Variants in ARPC3 observed in about 807,000 individuals in gnomAD.
The protein encoded by ARPC3 is actin-related protein 2/3 complex subunit 3.
Under a neutral mutation model 27.6 loss-of-function variants are expected in ARPC3, and 12 were observed. The ratio of observed to expected loss-of-function variants is 0.43; its 90% CI spans 0.28 to 0.70. ARPC3 has a LOEUF of 0.70. Ranked by LOEUF, ARPC3 falls within the 30% of genes least tolerant of loss-of-function variation. ARPC3 has a pLI of 0.17. For synonymous variants in ARPC3, 53 were observed against 67.2 expected (o/e 0.79, Z 1.03); for missense variants, 153 against 207.7 (o/e 0.74, Z 1.62).
intron 1 of ARPC3, 58 bp from the exon 2 acceptor site, chr12:110,445,609 G>T: frequency 7.9e-7 from 1 of 1,259,934 alleles, no homozygotes; most frequent in Non-Finnish European, 1.2e-6. Flanking sequence ...TGTCACTGTG[G>T]CAAACAACCT....
chr12:110,435,099 A>G lies in ARPC3; in HGVS notation c.*56T>C. The G allele has an allele frequency of 1.5e-6, 2 of 1,334,548 alleles. No homozygotes were observed. Among genetic ancestry groups the G allele is most frequent in the Non-Finnish European group, 2.2e-6 (2 of 926,142 alleles). 82.7% of individuals were successfully genotyped at this position (1,334,548 alleles called of 1,614,324 possible). On this transcript the variant is annotated 3_prime_UTR_variant, in exon 7 of 7. Coordinates refer to ENST00000228825, the MANE Select transcript of ARPC3 (RefSeq NM_001278556.2). ...GAAATAAAGGCAAAAGATTGTGTAC[A>G]TCTTGCTGGAAAATGCTGCCCAGGG...
chr12:110,437,224 T>C lies in ARPC3; in HGVS notation c.184-72A>G, dbSNP rs916452905. The stretch of plus-strand genomic sequence containing the variant: ...AATGATGTGCAATGTATGCATTCCA[T>C]CTTTGTCTTCTGATTATCTGCTGAA... On this transcript the variant is annotated intron_variant, in intron 3 of 6. Transcript: ENST00000228825. 9 of 1,022,008 alleles carry C rather than the reference T, an allele frequency of 8.8e-6. No individual in the cohort carries two copies. In the Admixed American group the frequency reaches 1.5e-4, roughly 17 times the overall value. The allele number at this position is 1,022,008 out of a possible 1,614,324, so 63.3% of individuals were successfully genotyped here. A position where few individuals can be genotyped will look rare whatever the true frequency, so the allele number is the denominator to read the frequency against.
At position 110,436,588 on chromosome 12, in the gene ARPC3, A is replaced by T; in HGVS notation, c.348T>A (p.Ile116=). ...PGEPGFPLNA[I]YAKPANKQED... is the part of the protein sequence containing the mutation. ...CCTGTTTGTTTGCAGGTTTGGCATA[A>T]ATTGCGTTAAGTGGAAAACCAGGCT... The change falls in exon 5 of 7, where the codon ATT becomes ATA. Residue 116 remains isoleucine (I), a synonymous_variant. Transcript: ENST00000228825. 6.2e-7 allele frequency: 1 copy of T among 1,613,700 alleles called. No homozygotes were observed. Among genetic ancestry groups the T allele is most frequent in the South Asian group, 1.1e-5 (1 of 91,062 alleles).
chr12:110,438,300 T>TAAAA (rs1203578896), intron 3 of ARPC3, among the ~76,000 whole-genome samples: 4 of 94,858 alleles, frequency 4.2e-5, no homozygotes, highest in Non-Finnish European at 8.6e-5. Flanking sequence ...TGTCTCGAAT[T>TAAAA]AAAAAAAAAA....
intron 5 of ARPC3, 120 bp from the exon 6 acceptor site, chr12:110,436,324 G>C: frequency 9.2e-7 from 1 of 1,087,158 alleles, no homozygotes; most frequent in Non-Finnish European, 1.4e-6. Context: ...ATACAAAATA[G>C]AAATGACAGT....
At chr12:110,448,982 G>A (rs1425399856) in intron 1 of ARPC3, among the ~76,000 whole-genome samples, 1 of 151,466 alleles carries the variant, frequency 6.6e-6, no homozygotes, top group Non-Finnish European at 1.5e-5. Context: ...CACCATGTTG[G>A]CCAGGCTGGT....
chr12:110,442,628 T>A (rs1290294091), intron 2 of ARPC3: 6 of 151,556 alleles, frequency 4.0e-5, no homozygotes, highest in Middle Eastern at 3.4e-3. Flanking sequence ...TAATAAAAAA[T>A]ATATATAATT....
intron 3 of ARPC3, among the ~76,000 whole-genome samples, chr12:110,438,165 G>A (rs559524557): frequency 2.6e-5 from 4 of 152,008 alleles, no homozygotes; most frequent in African/African-American, 2.4e-5. Context: ...TCATGGTGGC[G>A]TGCGCCTGTA....
chr12:110,440,292 T>A lies in ARPC3; in HGVS notation c.183+20A>T, dbSNP rs770798759. On this transcript the variant is annotated intron_variant, in intron 3 of 6. Coordinates refer to ENST00000228825, the MANE Select transcript of ARPC3 (RefSeq NM_001278556.2). ...CCCTATGAGAAAACTAAGTTAAATA[T>A]TAAAAGCTCCGTAATTTACCTTAAT... The A allele has an allele frequency of 6.5e-7, 1 of 1,546,404 alleles. No homozygotes were observed.
intron 2 of ARPC3, among the ~76,000 whole-genome samples, chr12:110,440,709 G>A (rs2062431172): frequency 6.6e-6 from 1 of 150,446 alleles, no homozygotes; most frequent in Admixed American, 6.7e-5. Flanking sequence ...ACCACACCCC[G>A]CTAATTTTTT....
At chr12:110,444,184 T>C (rs1431057477) in intron 2 of ARPC3, among the ~76,000 whole-genome samples, 1 of 152,138 alleles carries the variant, frequency 6.6e-6, no homozygotes, top group Non-Finnish European at 1.5e-5. Flanking sequence ...TTGGTTACGC[T>C]GGTCTTGAAC....
intron 4 of ARPC3, 128 bp downstream of exon 4, chr12:110,436,956 C>T (rs1447956974): frequency 1.3e-5 from 10 of 777,368 alleles, no homozygotes; most frequent in African/African-American, 8.6e-5. Context: ...TCTCTTAAGT[C>T]CATGCTGTAA....
intron 3 of ARPC3, 73 bp from the exon 4 acceptor site, chr12:110,437,225 C>T: frequency 9.8e-7 from 1 of 1,022,996 alleles, no homozygotes; most frequent in African/African-American, 1.6e-5. Flanking sequence ...TGCATTCCAT[C>T]TTTGTCTTCT....
chr12:110,442,804 G>A (rs939004469), intron 2 of ARPC3: 2 of 152,046 alleles, frequency 1.3e-5, no homozygotes, highest in Non-Finnish European at 2.9e-5. Context: ...GGTAGCTCTA[G>A]ACGGACAAAA....
chr12:110,436,791 C>G (rs2062408566), intron 4 of ARPC3, 108 bp from the exon 5 acceptor site: 3 of 975,600 alleles, frequency 3.1e-6, no homozygotes. Flanking sequence ...ATCCTTGGAC[C>G]CCAGGTTAAG....
intron 1 of ARPC3, among the ~76,000 whole-genome samples, chr12:110,447,840 C>G (rs2062474404): frequency 6.6e-6 from 1 of 151,250 alleles, no homozygotes; most frequent in Admixed American, 6.6e-5. Flanking sequence ...AGAGTGAATC[C>G]AGGGTGCTCT....
At chr12:110,449,541 G>A (rs369762720) in intron 1 of ARPC3, among the ~76,000 whole-genome samples, 1 of 152,124 alleles carries the variant, frequency 6.6e-6, no homozygotes, top group Admixed American at 6.5e-5. Context: ...CAGCCTGGGC[G>A]ACAGAACGAG....
At chr12:110,443,969 G>GTT (rs34686679) in intron 2 of ARPC3, among the ~76,000 whole-genome samples, 100 of 146,128 alleles carry the variant, frequency 6.8e-4, no homozygotes, top group Admixed American at 8.9e-4. Flanking sequence ...TCCAATTCAG[G>GTT]TTTTTTTTTT....
intron 3 of ARPC3, among the ~76,000 whole-genome samples, chr12:110,439,792 C>G (rs963444154): frequency 2.0e-5 from 3 of 152,218 alleles, no homozygotes; most frequent in Non-Finnish European, 4.4e-5. Context: ...TGTGATTGTG[C>G]CACTGCACTC....
Sources: gnomAD v4.1 joint callset for allele counts (sites outside exome capture counted in the v4.1 genomes callset) on GRCh38, gnomAD v4.1.1 for gene constraint, MANE v1.5 for transcripts, NCBI Gene and HGNC (gene_info 2026-07-23, HGNC 2026-07-21) for gene names.